The following UGT2A2 variants were observed in gnomAD, a reference collection of about 807,000 sequenced individuals.
UGT2A2 encodes the protein UDP-glucuronosyltransferase 2A2.
UGT2A2 carries 60 observed loss-of-function variants against 50.7 expected under a neutral mutation model. The observed-to-expected ratio is 1.18, with a 90% confidence interval of 0.96 to 1.47. UGT2A2 has a LOEUF of 1.47. Ranked by LOEUF, UGT2A2 falls within the 40% of genes most tolerant of loss-of-function variation. The pLI, the probability that UGT2A2 is intolerant of heterozygous loss-of-function variation, is 0.00. For synonymous variants in UGT2A2, 242 were observed against 214.6 expected (o/e 1.13, Z -1.11); for missense variants, 762 against 634.0 (o/e 1.20, Z -2.17).
At chr4:69,599,931 C>T (rs1192755997) in intron 1 of UGT2A2, among the ~76,000 whole-genome samples, 1 of 152,188 alleles carries the variant, frequency 6.6e-6, no homozygotes, top group Admixed American at 6.5e-5. Context: ...TAAGTTTCTT[C>T]CCCAGGACAG....
At chr4:69,613,202 T>C (rs1038588066) in intron 1 of UGT2A2, among the ~76,000 whole-genome samples, 3 of 151,858 alleles carry the variant, frequency 2.0e-5, no homozygotes, top group East Asian at 3.9e-4. Context: ...TATAGACATA[T>C]AACAGACATA....
chr4:69,608,118 C>T (rs189233547), intron 1 of UGT2A2, among the ~76,000 whole-genome samples: 5 of 152,238 alleles, frequency 3.3e-5, no homozygotes, highest in Admixed American at 6.5e-5. Flanking sequence ...GACCCATGCA[C>T]ACGTATGTTT....
intron 5 of UGT2A2, among the ~76,000 whole-genome samples, chr4:69,590,493 A>G (rs1718525706): frequency 6.6e-6 from 1 of 152,192 alleles, no homozygotes; most frequent in African/African-American, 2.4e-5. Flanking sequence ...GGATTCATGA[A>G]GATGAGCGAA....
chr4:69,638,804 T>G, intron 1 of UGT2A2, 95 bp downstream of exon 1: 1 of 1,400,846 alleles, frequency 7.1e-7, no homozygotes, highest in Non-Finnish European at 9.5e-7. Context: ...TATCTTCAGC[T>G]CAGCATATGC....
At chr4:69,617,592 G>A (rs1720478581) in intron 1 of UGT2A2, among the ~76,000 whole-genome samples, 1 of 151,652 alleles carries the variant, frequency 6.6e-6, no homozygotes, top group African/African-American at 2.4e-5. Flanking sequence ...TCAAATTAGG[G>A]CTAGTGCTAT....
intron 1 of UGT2A2, among the ~76,000 whole-genome samples, chr4:69,638,080 GGAAA>G (rs1026542172): frequency 2.0e-5 from 3 of 152,010 alleles, no homozygotes; most frequent in Non-Finnish European, 2.9e-5. Context: ...GAGGGAGAAA[GGAAA>G]GAAAGTCAAA....
intron 1 of UGT2A2, among the ~76,000 whole-genome samples, chr4:69,626,583 C>T (rs535963114): frequency 6.6e-6 from 1 of 151,408 alleles, no homozygotes; most frequent in African/African-American, 2.4e-5. Flanking sequence ...CTTAGTGACA[C>T]GCAGTATACT....
chr4:69,624,108 A>C (rs1174888303), intron 1 of UGT2A2, among the ~76,000 whole-genome samples: 1 of 151,602 alleles, frequency 6.6e-6, no homozygotes, highest in Non-Finnish European at 1.5e-5. Flanking sequence ...ATAAATGGGA[A>C]TCTGTCTATT....
At chr4:69,592,773 A>C (rs1215385155) in intron 5 of UGT2A2, among the ~76,000 whole-genome samples, 1 of 152,098 alleles carries the variant, frequency 6.6e-6, no homozygotes, top group African/African-American at 2.4e-5. Flanking sequence ...AGTAAAGATA[A>C]AAAATGGAAA....
chr4:69,593,226 T>A (rs1033128289), intron 5 of UGT2A2, among the ~76,000 whole-genome samples: 2 of 152,028 alleles, frequency 1.3e-5, no homozygotes, highest in African/African-American at 4.8e-5. Context: ...AGTCAAGAAA[T>A]AAATCCTAAA....
At chr4:69,630,378 G>A (rs968126195) in intron 1 of UGT2A2, among the ~76,000 whole-genome samples, 15 of 151,804 alleles carry the variant, frequency 9.9e-5, no homozygotes, top group African/African-American at 3.1e-4. Context: ...ACCTCTTCCC[G>A]GTTACACTCT....
At chr4:69,602,072 G>T (rs192238699) in intron 1 of UGT2A2, among the ~76,000 whole-genome samples, 1 of 136,776 alleles carries the variant, frequency 7.3e-6, no homozygotes, top group East Asian at 2.1e-4. Flanking sequence ...ATGATTATCT[G>T]ACTAAATCTA....
In UGT2A2 at chr4:69,634,559, G is replaced by GT. The variant is rs577822308; in HGVS notation, c.742+4339dup. Among the ~76,000 whole-genome samples, 6 of 151,950 alleles carry GT rather than the reference G, an allele frequency of 3.9e-5. No homozygotes were observed. The South Asian group carries it at 1.2e-3, about 32-fold the overall frequency. On this transcript the variant is annotated intron_variant, in intron 1 of 5. Transcript: ENST00000604629. ...GATAGAGGGGGAAGGTTAAGAGGCT[G>GT]TTTTTTTCTTAAGTTAATTGGGGTT...
At chr4:69,628,824 C>T (rs958047466) in intron 1 of UGT2A2, among the ~76,000 whole-genome samples, 13 of 149,898 alleles carry the variant, frequency 8.7e-5, no homozygotes, top group African/African-American at 2.9e-4. Context: ...GAAAAAAGAC[C>T]GCCACAACTT....
intron 1 of UGT2A2, among the ~76,000 whole-genome samples, chr4:69,638,298 C>T (rs1041686828): frequency 6.6e-6 from 1 of 151,936 alleles, no homozygotes; most frequent in African/African-American, 2.4e-5. Flanking sequence ...CAGGACTGGC[C>T]TTGATGGTTA....
chr4:69,624,146 T>C (rs1274693815), intron 1 of UGT2A2, among the ~76,000 whole-genome samples: 2 of 151,646 alleles, frequency 1.3e-5, no homozygotes, highest in Non-Finnish European at 3.0e-5. Flanking sequence ...CAATTTACTT[T>C]CTTTACGTTG....
At chr4:69,596,496 G>T in intron 2 of UGT2A2, 115 bp from the exon 3 acceptor site, 3 of 1,304,302 alleles carry the variant, frequency 2.3e-6, no homozygotes, top group Admixed American at 3.3e-5. Context: ...CTGTTGAACT[G>T]TCTGTCTTCT....
At chr4:69,595,119 T>C (rs1718840060) in intron 4 of UGT2A2, 43 bp downstream of exon 4, 1 of 1,607,918 alleles carries the variant, frequency 6.2e-7, no homozygotes, top group Non-Finnish European at 8.5e-7. Context: ...ACTTAACTTG[T>C]CTATTGTCCC....
Position 69,601,617 on chromosome 4 carries a change from C to T in UGT2A2, c.743-2223G>A, listed in dbSNP as rs139766259. 4.2e-4 allele frequency among the ~76,000 whole-genome samples: 64 copies of T among 152,160 alleles called. No homozygotes were observed. In the East Asian group the frequency reaches 0.012, roughly 29 times the overall value. On this transcript the variant is annotated intron_variant, in intron 1 of 5. Transcript: ENST00000604629. Reference sequence around the variant, plus strand: ...GTAACCAGGAGGTCCTGAGTTTGTCCACATGCCAGTACGTTACTACCACAG... The same window carrying T: ...GTAACCAGGAGGTCCTGAGTTTGTCTACATGCCAGTACGTTACTACCACAG...
Sources: gnomAD v4.1 joint callset for allele counts (sites outside exome capture counted in the v4.1 genomes callset) on GRCh38, gnomAD v4.1.1 for gene constraint, MANE v1.5 for transcripts, NCBI Gene and HGNC (gene_info 2026-07-23, HGNC 2026-07-21) for gene names.